The following ZNF385B variants were observed in gnomAD, a reference collection of about 807,000 sequenced individuals.
ZNF385B encodes the protein zinc finger protein 533.
ZNF385B carries 23 observed loss-of-function variants against 39.2 expected under a neutral mutation model. The observed-to-expected ratio is 0.59, with a 90% CI of 0.42 to 0.83. The LOEUF is 0.83. Among genes scored for constraint, ZNF385B ranks in the 40% least tolerant of loss-of-function variants. The pLI is 0.00. For synonymous variants in ZNF385B, 205 were observed against 222.6 expected (o/e 0.92, Z 0.70); for missense variants, 552 against 598.9 (o/e 0.92, Z 0.82).
chr2:179,632,133 A>G (rs1007677940), intron 3 of ZNF385B, among the ~76,000 whole-genome samples: 2 of 152,174 alleles, frequency 1.3e-5, no homozygotes, highest in African/African-American at 4.8e-5. Flanking sequence ...TCAATATTAG[A>G]CAGATCAATG....
intron 1 of ZNF385B, among the ~76,000 whole-genome samples, chr2:179,844,854 G>A (rs191506955): frequency 5.3e-5 from 8 of 152,230 alleles, no homozygotes; most frequent in East Asian, 3.9e-4. Flanking sequence ...TACAAAGAGC[G>A]TTGGGTAAAA....
chr2:179,844,513 G>C (rs1708700330), intron 1 of ZNF385B, among the ~76,000 whole-genome samples: 1 of 152,124 alleles, frequency 6.6e-6, no homozygotes, highest in Admixed American at 6.5e-5. Context: ...ACACAGTCAA[G>C]CACCCCATAG....
At chr2:179,459,808 A>G (rs1574246654) in intron 6 of ZNF385B, among the ~76,000 whole-genome samples, 1 of 150,912 alleles carries the variant, frequency 6.6e-6, no homozygotes, top group East Asian at 1.9e-4. Flanking sequence ...ATATATGTAA[A>G]AAATATATAT....
intron 1 of ZNF385B, among the ~76,000 whole-genome samples, chr2:179,847,325 T>G (rs377071533): frequency 6.6e-5 from 10 of 152,320 alleles, no homozygotes; most frequent in African/African-American, 2.4e-4. Flanking sequence ...CAGCTTATTC[T>G]CAAGACACCT....
At chr2:179,631,917 TA>T (rs1691261903) in intron 3 of ZNF385B, among the ~76,000 whole-genome samples, 1 of 151,904 alleles carries the variant, frequency 6.6e-6, no homozygotes, top group South Asian at 2.1e-4. Flanking sequence ...AAACAGACTT[TA>T]AACCAACAAA....
intron 3 of ZNF385B, among the ~76,000 whole-genome samples, chr2:179,552,454 G>A (rs1004918701): frequency 1.3e-5 from 2 of 148,970 alleles, no homozygotes; most frequent in Admixed American, 6.7e-5. Flanking sequence ...AAAACTTAAC[G>A]TATTATAAAA....
chr2:179,588,721 C>T (rs1687307879), intron 3 of ZNF385B, among the ~76,000 whole-genome samples: 1 of 152,192 alleles, frequency 6.6e-6, no homozygotes, highest in African/African-American at 2.4e-5. Context: ...TGCCTAGTGA[C>T]TGAAGATTCT....
At chr2:179,535,130 C>A (rs1264840287) in intron 4 of ZNF385B, among the ~76,000 whole-genome samples, 1 of 152,260 alleles carries the variant, frequency 6.6e-6, no homozygotes, top group Non-Finnish European at 1.5e-5. Flanking sequence ...TTGAGAATTT[C>A]ATTCTATGCA....
intron 3 of ZNF385B, among the ~76,000 whole-genome samples, chr2:179,642,089 A>T (rs138266270): frequency 6.6e-6 from 1 of 152,172 alleles, no homozygotes; most frequent in African/African-American, 2.4e-5. Flanking sequence ...GTTTTCAGAG[A>T]TATTGAAAAC....
intron 6 of ZNF385B, among the ~76,000 whole-genome samples, chr2:179,476,482 C>G (rs2053462421): frequency 6.6e-6 from 1 of 152,168 alleles, no homozygotes; most frequent in Admixed American, 6.5e-5. Context: ...TTAACAGACA[C>G]TCAGTAAATC....
chr2:179,528,277 A>C (rs2059042246), intron 4 of ZNF385B, among the ~76,000 whole-genome samples: 1 of 152,196 alleles, frequency 6.6e-6, no homozygotes, highest in African/African-American at 2.4e-5. Flanking sequence ...CACCATCATC[A>C]TAATCCCAAG....
intron 3 of ZNF385B, among the ~76,000 whole-genome samples, chr2:179,671,858 G>A (rs1446378157): frequency 6.6e-6 from 1 of 152,250 alleles, no homozygotes; most frequent in Non-Finnish European, 1.5e-5. Flanking sequence ...GTGGGAACCA[G>A]GCAAAGAACT....
chr2:179,824,743 A>C (rs1707586099), intron 1 of ZNF385B, among the ~76,000 whole-genome samples: 1 of 150,604 alleles, frequency 6.6e-6, no homozygotes, highest in Non-Finnish European at 1.5e-5. Flanking sequence ...CTAATATCTT[A>C]AGTGTGACTT....
intron 3 of ZNF385B, among the ~76,000 whole-genome samples, chr2:179,752,089 C>T (rs2106470487): frequency 6.6e-6 from 1 of 152,232 alleles, no homozygotes; most frequent in South Asian, 2.1e-4. Flanking sequence ...TCCCCCTCTC[C>T]CCACCCCACG....
At chr2:179,737,174 T>TGGC in intron 3 of ZNF385B, among the ~76,000 whole-genome samples, 1 of 152,266 alleles carries the variant, frequency 6.6e-6, no homozygotes, top group South Asian at 2.1e-4. Flanking sequence ...AGCTGTTGAG[T>TGGC]GGCGGTGTGG....
chr2:179,714,772 C>G (rs1325101150), intron 3 of ZNF385B, among the ~76,000 whole-genome samples: 1 of 151,636 alleles, frequency 6.6e-6, no homozygotes, highest in African/African-American at 2.4e-5. Context: ...ATGGTGAAAA[C>G]CTATCTCTAC....
intron 3 of ZNF385B, among the ~76,000 whole-genome samples, chr2:179,680,301 T>C (rs955026568): frequency 6.6e-6 from 1 of 152,170 alleles, no homozygotes. Context: ...TATAGTATAT[T>C]TGAAATATGA....
At chr2:179,792,722 T>G (rs1705419869) in intron 1 of ZNF385B, among the ~76,000 whole-genome samples, 1 of 152,070 alleles carries the variant, frequency 6.6e-6, no homozygotes, top group South Asian at 2.1e-4. Context: ...AACGTGAAAA[T>G]AACTTGACAA....
At chr2:179,507,846 C>T (rs530418883) in intron 5 of ZNF385B, among the ~76,000 whole-genome samples, 2 of 152,240 alleles carry the variant, frequency 1.3e-5, no homozygotes, top group African/African-American at 2.4e-5. Flanking sequence ...TATGCTGTCT[C>T]CACCTCCACC....
Sources: gnomAD v4.1 joint callset for allele counts (sites outside exome capture counted in the v4.1 genomes callset) on GRCh38, gnomAD v4.1.1 for gene constraint, MANE v1.5 for transcripts, NCBI Gene and HGNC (gene_info 2026-07-23, HGNC 2026-07-21) for gene names.